Variants in ATXN1 observed in about 807,000 individuals in gnomAD.
ATXN1 encodes ataxin 1.
In ATXN1, 8 loss-of-function variants were observed where a neutral mutation model predicts 56.4. The ratio of observed to expected loss-of-function variants is 0.14; its 90% CI spans 0.08 to 0.26. The LOEUF (loss-of-function observed/expected upper bound fraction) is 0.26, where lower values mean the gene tolerates loss of function less well. Among genes scored for constraint, ATXN1 ranks in the 10% least tolerant of loss-of-function variants. The probability of loss-of-function intolerance (pLI) is 1.00; values close to 1 mark genes in which losing one functional copy is unlikely to be tolerated. For missense variants in ATXN1, 987 were observed against 1,106.5 expected (o/e 0.89, Z 1.53); for synonymous variants, 514 against 494.6 (o/e 1.04, Z -0.52).
chr6:16,758,963 C>T (rs2113550021), intron 1 of ATXN1, among the ~76,000 whole-genome samples: 1 of 152,272 alleles, frequency 6.6e-6, no homozygotes, highest in South Asian at 2.1e-4. Context: ...CTGGTGGTTT[C>T]CTCAGACATA....
chr6:16,416,583 C>T (rs1758913388), intron 6 of ATXN1, among the ~76,000 whole-genome samples: 1 of 152,242 alleles, frequency 6.6e-6, no homozygotes, highest in Non-Finnish European at 1.5e-5. Context: ...TAAATATCAA[C>T]TGTAATTATT....
At chr6:16,456,280 G>A (rs778921788) in intron 6 of ATXN1, among the ~76,000 whole-genome samples, 45 of 152,266 alleles carry the variant, frequency 3.0e-4, no homozygotes, top group East Asian at 1.9e-4. Flanking sequence ...ATATTGCAAC[G>A]TGGTGAGTAC....
chr6:16,594,000 T>C (rs919778982), intron 3 of ATXN1, among the ~76,000 whole-genome samples: 1 of 148,636 alleles, frequency 6.7e-6, no homozygotes, highest in Non-Finnish European at 1.5e-5. Flanking sequence ...CTAATATATG[T>C]CTATAGAGAT....
intron 5 of ATXN1, among the ~76,000 whole-genome samples, chr6:16,522,375 C>A (rs1049654566): frequency 6.6e-6 from 1 of 152,064 alleles, no homozygotes; most frequent in Non-Finnish European, 1.5e-5. Context: ...GTAATAGCAA[C>A]AATGATGACC....
At position 16,328,805 on chromosome 6, in the gene ATXN1, T is replaced by C. The variant is rs545271934; in HGVS notation, c.-160-335A>G. ...TGTAACATTAGCTGGCACACGGCTGTAGTCCCAGCTACTTGAGAGGCTGAG... is the reference window on the plus strand; with the variant it reads ...TGTAACATTAGCTGGCACACGGCTGCAGTCCCAGCTACTTGAGAGGCTGAG... On this transcript the variant is annotated intron_variant, in intron 6 of 7. Transcript: ENST00000436367. This position sits in a 1 kb window ranked among gnomAD's most constrained non-coding sequence, Gnocchi z 6.2. Among the ~76,000 whole-genome samples, 2 of 152,288 alleles carry C rather than the reference T, an allele frequency of 1.3e-5. No homozygotes were observed. The highest frequency in any genetic ancestry group is 4.8e-5 in the African/African-American group (2 of 41,564).
chr6:16,637,027 C>T (rs1763610039), intron 3 of ATXN1, among the ~76,000 whole-genome samples: 1 of 152,200 alleles, frequency 6.6e-6, no homozygotes, highest in South Asian at 2.1e-4. Flanking sequence ...AATCATGCTG[C>T]TATAAAGGCA....
intron 2 of ATXN1, among the ~76,000 whole-genome samples, chr6:16,733,450 C>T (rs2113489617): frequency 6.6e-6 from 1 of 152,180 alleles, no homozygotes; most frequent in African/African-American, 2.4e-5. Flanking sequence ...GCAGTCCCAG[C>T]TAATCGGGAG....
At chr6:16,741,772 TTAC>T (rs1760347868) in intron 2 of ATXN1, among the ~76,000 whole-genome samples, 2 of 152,240 alleles carry the variant, frequency 1.3e-5, no homozygotes, top group Non-Finnish European at 2.9e-5. Flanking sequence ...ATGTTGTTTA[TTAC>T]TCACATTCTG....
chr6:16,708,535 C>T (rs188104692), intron 2 of ATXN1, among the ~76,000 whole-genome samples: 122 of 152,276 alleles, frequency 8.0e-4, no homozygotes, highest in Admixed American at 2.2e-3. Context: ...TGCAAGACCT[C>T]GGCTGAAGTC....
intron 6 of ATXN1, among the ~76,000 whole-genome samples, chr6:16,415,999 G>A (rs1758897440): frequency 6.7e-6 from 1 of 150,166 alleles, no homozygotes; most frequent in Admixed American, 6.7e-5. Flanking sequence ...TACATGGGCA[G>A]CTACATATGA....
rs564701914 is a variant in ATXN1, at chr6:16,742,772, C to T, written c.-615+10461G>A. ...ATAAGATTAGATGGACCTCCTACCC[C>T]ACCGGTTTCATACTTGACGAGCAGG... On this transcript the variant is annotated intron_variant, in intron 2 of 7. Transcript: ENST00000436367. 2.2e-4 allele frequency among the ~76,000 whole-genome samples: 34 copies of T among 152,290 alleles called. 1 individual carries two copies. The highest frequency in any genetic ancestry group is 1.9e-3 in the South Asian group (9 of 4,830).
At position 16,418,135 on chromosome 6, in the gene ATXN1, G is replaced by A. The variant is rs1021691212; in HGVS notation, c.-161+67837C>T. On this transcript the variant is annotated intron_variant, in intron 6 of 7. Transcript: ENST00000436367. ...TTGTAGAGCTACGAAAAGATATTTGGCACATAATAGGTGCTTAAAATGCTC... is the reference window on the plus strand; with the variant it reads ...TTGTAGAGCTACGAAAAGATATTTGACACATAATAGGTGCTTAAAATGCTC... Among the ~76,000 whole-genome samples the A allele has an allele frequency of 2.2e-4, 34 of 152,164 alleles. 1 individual carries two copies. Among genetic ancestry groups the A allele is most frequent in the Admixed American group, 1.3e-4 (2 of 15,282 alleles).
Position 16,327,181 on chromosome 6 carries a change from C to T in ATXN1, c.1130G>A (p.Gly377Glu). 1 of 1,613,924 alleles carries T rather than the reference C, an allele frequency of 6.2e-7. No individual in the cohort carries two copies. The highest frequency in any genetic ancestry group is 8.5e-7 in the Non-Finnish European group (1 of 1,180,024). The change falls in exon 7 of 8, where the codon GGG becomes GAG. Residue 377 changes from glycine (G) to glutamate (E), a missense_variant. By Grantham distance (98) the Gly-to-Glu change is moderately conservative (BLOSUM62 -2). Coordinates refer to ENST00000436367, the MANE Select transcript of ATXN1 (RefSeq NM_001128164.2). Reference sequence around the variant, plus strand: ...CAGGACCATCACAGAGGCCCGGACCCCCGAAGGATCACGACTGCTGTAGTC... The same window carrying T: ...CAGGACCATCACAGAGGCCCGGACCTCCGAAGGATCACGACTGCTGTAGTC... ...PSDYSSRDPS[G>E]VRASVMVLPN...
chr6:16,495,341 C>T (rs1581800703), intron 5 of ATXN1, among the ~76,000 whole-genome samples: 1 of 152,318 alleles, frequency 6.6e-6, no homozygotes, highest in South Asian at 2.1e-4. Context: ...GGCCTGACTT[C>T]ACAAAGTACC....
intron 3 of ATXN1, among the ~76,000 whole-genome samples, chr6:16,609,350 G>A (rs1763065154): frequency 6.6e-6 from 1 of 152,220 alleles, no homozygotes; most frequent in African/African-American, 2.4e-5. Flanking sequence ...TCTCTACATA[G>A]CAGGACTCTG....
intron 2 of ATXN1, among the ~76,000 whole-genome samples, chr6:16,662,342 T>A (rs116443433): frequency 0.68 from 103,684 of 151,900 alleles, 36,921 homozygotes; most frequent in African/African-American, 0.89. Context: ...CTTCTTTTTT[T>A]TTTTTTTGAA....
In ATXN1 at chr6:16,760,207, G is replaced by C. The variant is rs1761037219; in HGVS notation, c.-730+1091C>G. ...AGTGAACGAGCAGTGGGGCTCCAGG[G>C]CGCATCCCAATCCCCGCAGCGCCTC... On this transcript the variant is annotated intron_variant, in intron 1 of 7. Coordinates refer to ENST00000436367, the MANE Select transcript of ATXN1 (RefSeq NM_001128164.2). The surrounding 1 kb of genome is among the most constrained non-coding windows in gnomAD (Gnocchi z 5.3). Among the ~76,000 whole-genome samples, 1 of 151,924 alleles carries C rather than the reference G, an allele frequency of 6.6e-6. No individual in the cohort carries two copies. Among genetic ancestry groups the C allele is most frequent in the African/African-American group, 2.4e-5 (1 of 41,358 alleles).
rs137882977 is a variant in ATXN1 at position 16,349,086 on chromosome 6, T to C, written c.-160-20616A>G. Among the ~76,000 whole-genome samples, 531 of 152,344 alleles carry C rather than the reference T, an allele frequency of 3.5e-3. 1 individual carries two copies. The highest frequency in any genetic ancestry group is 0.012 in the African/African-American group (503 of 41,570). On this transcript the variant is annotated intron_variant, in intron 6 of 7. Transcript: ENST00000436367. ...GCTGTGAGTTCACACATAAGAAGAATTTAGATGAGGGCCTGGCGTACTCAA... is the reference window on the plus strand; with the variant it reads ...GCTGTGAGTTCACACATAAGAAGAACTTAGATGAGGGCCTGGCGTACTCAA...
At chr6:16,415,633 T>C (rs4716068) in intron 6 of ATXN1, among the ~76,000 whole-genome samples, 18,602 of 152,282 alleles carry the variant, frequency 0.12, 1,301 homozygotes, top group South Asian at 0.18. Context: ...AAGGGACCTG[T>C]GAGTGAGTCC....
Sources: gnomAD v4.1 joint callset for allele counts (sites outside exome capture counted in the v4.1 genomes callset) on GRCh38, gnomAD v4.1.1 for gene constraint, Gnocchi (gnomAD v3.1) non-coding constraint, MANE v1.5 for transcripts, NCBI Gene and HGNC (gene_info 2026-07-23, HGNC 2026-07-21) for gene names.